The following PTPRM variants were observed in gnomAD, a reference collection of about 807,000 sequenced individuals.
The protein encoded by PTPRM is protein tyrosine phosphatase receptor type M, also known as receptor-type tyrosine-protein phosphatase mu.
PTPRM carries 47 observed loss-of-function variants against 186.7 expected under a neutral mutation model. The observed-to-expected ratio is 0.25, with a 90% CI of 0.20 to 0.32. The LOEUF is 0.32. PTPRM is among the 10% of genes least tolerant of loss of function. The probability of loss-of-function intolerance (pLI) is 1.00; values close to 1 mark genes in which losing one functional copy is unlikely to be tolerated. For missense variants in PTPRM, 1,494 were observed against 1,865.0 expected, an observed-to-expected ratio of 0.80 and a Z score of 3.66; for synonymous variants, 668 against 674.9, an observed-to-expected ratio of 0.99 and a Z score of 0.16.
At chr18:8,310,882 G>A (rs1006957046) in intron 20 of PTPRM, among the ~76,000 whole-genome samples, 14 of 152,138 alleles carry the variant, frequency 9.2e-5, no homozygotes, top group African/African-American at 3.4e-4. Context: ...TACTGAGGAG[G>A]GGACATCTGA....
chr18:8,128,200 A>C (rs776989720), intron 13 of PTPRM, among the ~76,000 whole-genome samples: 1 of 152,178 alleles, frequency 6.6e-6, no homozygotes, highest in Non-Finnish European at 1.5e-5. Context: ...AACTGATTGA[A>C]AGTAGTGGCT....
intron 29 of PTPRM, among the ~76,000 whole-genome samples, chr18:8,384,326 C>T (rs2000644): frequency 0.63 from 95,736 of 151,852 alleles, 30,539 homozygotes; most frequent in East Asian, 0.82. Flanking sequence ...GGCATGGTAG[C>T]ACACACCTGT....
intron 1 of PTPRM, among the ~76,000 whole-genome samples, chr18:7,726,061 C>T (rs2040542658): frequency 6.6e-6 from 1 of 152,154 alleles, no homozygotes; most frequent in African/African-American, 2.4e-5. Flanking sequence ...AAGCGCTCGC[C>T]CCAGCTCCTG....
At chr18:7,582,596 A>G (rs557675104) in intron 1 of PTPRM, among the ~76,000 whole-genome samples, 2 of 152,214 alleles carry the variant, frequency 1.3e-5, no homozygotes, top group Admixed American at 6.5e-5. Context: ...ATTGGGACTT[A>G]CAGAGGGGTC....
chr18:8,091,210 C>G (rs1172135780), intron 11 of PTPRM, among the ~76,000 whole-genome samples: 1 of 152,124 alleles, frequency 6.6e-6, no homozygotes. Flanking sequence ...ATCATTTCAT[C>G]ACTTTGTATT....
At chr18:7,755,247 AGAT>A (rs1490548035) in intron 1 of PTPRM, 11 of 152,132 alleles carry the variant, frequency 7.2e-5, no homozygotes, top group African/African-American at 2.7e-4. Flanking sequence ...AAAAAAAAAA[AGAT>A]GAACTGGAAA....
intron 1 of PTPRM, among the ~76,000 whole-genome samples, chr18:7,698,242 C>T (rs2039885694): frequency 6.6e-6 from 1 of 152,126 alleles, no homozygotes; most frequent in African/African-American, 2.4e-5. Context: ...TACAGTGGCT[C>T]CACAGCTGCT....
At chr18:7,849,695 T>C (rs971562158) in intron 2 of PTPRM, among the ~76,000 whole-genome samples, 3 of 152,224 alleles carry the variant, frequency 2.0e-5, no homozygotes, top group Non-Finnish European at 4.4e-5. Flanking sequence ...TTGAAAACTA[T>C]GCAGAAATAA....
chr18:7,879,464 G>T (rs1490429339), intron 2 of PTPRM, among the ~76,000 whole-genome samples: 1 of 152,134 alleles, frequency 6.6e-6, no homozygotes. Context: ...ATAGGTCCAA[G>T]TTTGTCTCGT....
chr18:8,026,590 C>G (rs2085582826), intron 7 of PTPRM, among the ~76,000 whole-genome samples: 1 of 152,158 alleles, frequency 6.6e-6, no homozygotes, highest in African/African-American at 2.4e-5. Context: ...GGCACAGTGG[C>G]TCACGCTTGT....
intron 19 of PTPRM, among the ~76,000 whole-genome samples, chr18:8,288,614 C>T (rs1281049025): frequency 1.3e-5 from 2 of 152,172 alleles, no homozygotes; most frequent in Non-Finnish European, 2.9e-5. Flanking sequence ...GTTCAGCAGC[C>T]GTGAACACTC....
At chr18:7,718,193 G>T (rs539813645) in intron 1 of PTPRM, among the ~76,000 whole-genome samples, 1 of 152,248 alleles carries the variant, frequency 6.6e-6, no homozygotes, top group South Asian at 2.1e-4. Context: ...TACCAAAACG[G>T]CATGGTACTG....
At chr18:7,702,948 T>C (rs1452235694) in intron 1 of PTPRM, among the ~76,000 whole-genome samples, 2 of 152,174 alleles carry the variant, frequency 1.3e-5, no homozygotes, top group East Asian at 3.8e-4. Flanking sequence ...CCTTTCCCCA[T>C]TGCTGTTTTT....
chr18:8,211,945 C>T (rs895811522), intron 14 of PTPRM, among the ~76,000 whole-genome samples: 5 of 151,944 alleles, frequency 3.3e-5, no homozygotes, highest in African/African-American at 1.2e-4. Context: ...GGAGTGGACT[C>T]GGTGCAGGGC....
chr18:7,876,215 CAAATT>C (rs2048237743), intron 2 of PTPRM, among the ~76,000 whole-genome samples: 1 of 151,852 alleles, frequency 6.6e-6, no homozygotes. Context: ...TTGGTTTAGT[CAAATT>C]AAATTTTCAA....
At chr18:8,400,696 T>C (rs184856817) in intron 32 of PTPRM, among the ~76,000 whole-genome samples, 1 of 152,276 alleles carries the variant, frequency 6.6e-6, no homozygotes, top group South Asian at 2.1e-4. Context: ...CTCTGTAACT[T>C]ACAGCCGACC....
intron 1 of PTPRM, among the ~76,000 whole-genome samples, chr18:7,635,607 ATTAT>A (rs146028021): frequency 0.036 from 5,467 of 152,306 alleles, 356 homozygotes; most frequent in African/African-American, 0.13. Flanking sequence ...GGATTAATAA[ATTAT>A]TTATCCACTG....
chr18:7,807,046 A>C (rs2145428741), intron 2 of PTPRM, among the ~76,000 whole-genome samples: 1 of 152,116 alleles, frequency 6.6e-6, no homozygotes, highest in South Asian at 2.1e-4. Context: ...GCTTTTTTTG[A>C]GAGTCTTGCT....
At chr18:8,264,239 C>T (rs186896312) in intron 19 of PTPRM, among the ~76,000 whole-genome samples, 8 of 152,234 alleles carry the variant, frequency 5.3e-5, no homozygotes, top group Admixed American at 2.0e-4. Context: ...TCTTACCAAC[C>T]GCTAATAGAA....
Sources: allele counts gnomAD v4.1 joint callset (sites outside exome capture counted in the v4.1 genomes callset), GRCh38; gene constraint gnomAD v4.1.1; transcripts MANE v1.5; gene names NCBI Gene and HGNC (gene_info 2026-07-23, HGNC 2026-07-21).